TST: variants seen among roughly 807,000 people sequenced by gnomAD.
TST encodes the protein thiosulfate sulfurtransferase, also known as epididymis secretory sperm binding protein.
TST carries 22 observed loss-of-function variants against 20.4 expected under a neutral mutation model. That is an observed-to-expected ratio of 1.08 (90% CI 0.77 to 1.54). The LOEUF (loss-of-function observed/expected upper bound fraction) is 1.54. Among genes scored for constraint, TST ranks in the 40% most tolerant of loss-of-function variants. TST has a pLI of 0.00. For missense variants in TST, 392 were observed against 405.2 expected (o/e 0.97, Z 0.28); for synonymous variants, 187 against 173.8 (o/e 1.08, Z -0.60).
In TST at chr22:37,011,067, G is replaced by GT. The variant is rs1569160531; in HGVS notation, c.853_854insA (p.Pro285HisfsTer11). ...CTTTCCCTGGGACACACGGCTCTCT[G>GT]GGGGGGCCCGGCGAAACCACTCGGA... On this transcript the variant is annotated frameshift_variant, in exon 3 of 3. Transcript: ENST00000249042. LOFTEE classifies it high-confidence loss of function. 6.2e-7 allele frequency: 1 copy of GT among 1,611,854 alleles called. No individual in the cohort carries two copies. Among genetic ancestry groups the GT allele is most frequent in the Admixed American group, 1.7e-5 (1 of 60,014 alleles).
chr22:37,019,777 T>G, upstream of TST: 1 of 790,470 alleles, frequency 1.3e-6, no homozygotes, highest in Non-Finnish European at 1.7e-6. Flanking sequence ...CGCTGCAGGT[T>G]GGTGGCGGGA....
chr22:37,018,175 C>A lies in TST; in HGVS notation c.558G>T (p.Gly186=), dbSNP rs567976214. The change falls in exon 2 of 3, where the codon GGG becomes GGT. Residue 186 remains glycine, a synonymous_variant. Transcript: ENST00000249042. ...GCTCCGGCTCGGTGCCCAGGAACCG[C>A]CCTTGAGACCTTGAATCCACCAGCT... ...RFQLVDSRSQ[G]RFLGTEPEPD... is the part of the protein sequence containing the mutation. 1.9e-5 allele frequency: 30 copies of A among 1,594,346 alleles called. No homozygotes were observed. The highest frequency in any genetic ancestry group is 1.8e-4 in the Middle Eastern group (1 of 5,452).
In TST at chr22:37,018,584, T is replaced by C; in HGVS notation, c.149A>G (p.Glu50Gly). Residue 50 changes from glutamate (E) to glycine (G), a missense_variant, in exon 2 of 3, where the codon GAG becomes GGG. Transcript: ENST00000249042. Reference protein sequence around the residue: ...GTREARKEYLERHVPGASFFD... With the variant: ...GTREARKEYLGRHVPGASFFD... ...GAAAGAGGCGCCGGGTACGTGGCGCTCGAGGTACTCCTTGCGGGCCTCTCG... is the reference window on the plus strand; with the variant it reads ...GAAAGAGGCGCCGGGTACGTGGCGCCCGAGGTACTCCTTGCGGGCCTCTCG... 2.6e-6 allele frequency: 4 copies of C among 1,562,708 alleles called. No individual in the cohort carries two copies. Among genetic ancestry groups the C allele is most frequent in the Non-Finnish European group, 3.5e-6 (4 of 1,153,830 alleles).
At chr22:37,018,848 C>T in intron 1 of TST, 95 bp from the exon 2 acceptor site, 1 of 845,728 alleles carries the variant, frequency 1.2e-6, no homozygotes, top group Non-Finnish European at 1.7e-6. Context: ...CTTTCTCCCT[C>T]CGCACTCCCC....
intron 1 of TST, chr22:37,019,013 G>T (rs1005174426): frequency 2.7e-6 from 1 of 369,174 alleles, no homozygotes; most frequent in East Asian, 4.1e-5. Flanking sequence ...CTCCAAGTAG[G>T]GGCGCTTCCT....
chr22:37,016,188 G>A (rs937625482), intron 2 of TST, among the ~76,000 whole-genome samples: 12 of 151,460 alleles, frequency 7.9e-5, no homozygotes, highest in African/African-American at 2.7e-4. Flanking sequence ...CTCATGATCC[G>A]CCCACCTTGG....
intron 2 of TST, among the ~76,000 whole-genome samples, chr22:37,013,026 G>A (rs1049486807): frequency 6.6e-6 from 1 of 151,736 alleles, no homozygotes; most frequent in Non-Finnish European, 1.5e-5. Context: ...TAGGCAGCAA[G>A]AGCGAGACTC....
Position 37,011,255 on chromosome 22 carries a change from G to C in TST, c.666C>G (p.Phe222Leu), listed in dbSNP as rs143819572. 3 of 1,613,954 alleles carry C rather than the reference G, an allele frequency of 1.9e-6. No homozygotes were observed. Among genetic ancestry groups the C allele is most frequent in the Non-Finnish European group, 2.5e-6 (3 of 1,180,028 alleles). The change falls in exon 3 of 3, where the codon TTC (phenylalanine) becomes TTG (leucine). Residue 222 changes from phenylalanine to leucine, a missense_variant. By Grantham distance (22) the Phe-to-Leu change is conservative. Transcript: ENST00000249042. ...CACGGAGCTCTTCTGGGCCCTTCTC[G>C]AAGCCATCCTCAGTCAGGAAGTCCA... ...PFMDFLTEDG[F>L]EKGPEELRAL... is the part of the protein sequence containing the mutation.
rs1266811824 is a variant in TST, at chr22:37,018,526, C to T, written c.207G>A (p.Ser69=). Residue 69 remains serine (S), a synonymous_variant, in exon 2 of 3, where the codon TCG becomes TCA. Transcript: ENST00000249042. ...FDIEECRDTA[S]PYEMMLPSEA... ...CGCTGGGCAGCATCATCTCGTAGGG[C>T]GACGCCGTGTCCCGGCACTCTTCTA... The T allele has an allele frequency of 1.9e-6, 3 of 1,589,502 alleles. No homozygotes were observed. Among genetic ancestry groups the T allele is most frequent in the East Asian group, 2.3e-5 (1 of 43,660 alleles).
chr22:37,020,072 G>T (rs1027756864), upstream of TST: 5 of 389,940 alleles, frequency 1.3e-5, no homozygotes, highest in African/African-American at 1.0e-4. Context: ...CGAGTGGCGG[G>T]TGGGGAGCCT....
intron 2 of TST, among the ~76,000 whole-genome samples, chr22:37,016,786 C>G (rs1171105531): frequency 6.6e-6 from 1 of 152,176 alleles, no homozygotes; most frequent in Non-Finnish European, 1.5e-5. Flanking sequence ...AGCAAGCAGG[C>G]AAGAAAAATA....
At chr22:37,016,677 G>A (rs1359097061) in intron 2 of TST, among the ~76,000 whole-genome samples, 7 of 152,136 alleles carry the variant, frequency 4.6e-5, no homozygotes, top group Admixed American at 6.5e-5. Context: ...GAGAAGAGGC[G>A]TCTTGAACCA....
At chr22:37,016,644 C>T (rs1223091639) in intron 2 of TST, among the ~76,000 whole-genome samples, 1 of 152,108 alleles carries the variant, frequency 6.6e-6, no homozygotes, top group East Asian at 1.9e-4. Flanking sequence ...CTGATCCTCC[C>T]CCATGACAGC....
intron 2 of TST, among the ~76,000 whole-genome samples, chr22:37,015,739 A>G (rs73413670): frequency 0.031 from 4,757 of 152,174 alleles, 259 homozygotes; most frequent in African/African-American, 0.11. Context: ...CTGAACCTAC[A>G]GGGTGCCTCC....
upstream of TST, chr22:37,019,929 G>C (rs1041476602): frequency 9.9e-6 from 9 of 905,712 alleles, no homozygotes; most frequent in South Asian, 1.7e-4. Flanking sequence ...TGGCTCTTTG[G>C]GGGTGCTCGG....
chr22:37,019,963 G>A, upstream of TST: 1 of 591,558 alleles, frequency 1.7e-6, no homozygotes, highest in Non-Finnish European at 2.5e-6. Flanking sequence ...CGCGGGACCT[G>A]GGCGGAAGAG....
At chr22:37,017,058 A>C (rs1922706562) in intron 2 of TST, among the ~76,000 whole-genome samples, 1 of 152,226 alleles carries the variant, frequency 6.6e-6, no homozygotes. Context: ...TCTGTAGAGA[A>C]GGAGCTCTGA....
At chr22:37,012,978 G>T (rs939703783) in intron 2 of TST, among the ~76,000 whole-genome samples, 2 of 152,072 alleles carry the variant, frequency 1.3e-5, no homozygotes, top group Non-Finnish European at 2.9e-5. Flanking sequence ...TGAGGCGGAG[G>T]TTGCAGTGAG....
Position 37,011,012 on chromosome 22 carries a change from A to G in TST, c.*15T>C. On this transcript the variant is annotated 3_prime_UTR_variant, in exon 3 of 3. Transcript: ENST00000249042. ...TAAACCGGCCGCAGTTACAGTAAGC[A>G]GAAGAGGTCACGGCTCAGGCCTTCT... The G allele has an allele frequency of 6.3e-7, 1 of 1,599,678 alleles. No homozygotes were observed. Among genetic ancestry groups the G allele is most frequent in the Non-Finnish European group, 8.5e-7 (1 of 1,171,404 alleles).
Sources: gnomAD v4.1 joint callset for allele counts (sites outside exome capture counted in the v4.1 genomes callset) on GRCh38, gnomAD v4.1.1 for gene constraint, MANE v1.5 for transcripts, NCBI Gene and HGNC (gene_info 2026-07-23, HGNC 2026-07-21) for gene names.